Variants in TET1 observed in about 807,000 individuals in gnomAD.
The protein encoded by TET1 is tet methylcytosine dioxygenase 1.
A neutral mutation model predicts 148.7 loss-of-function variants in TET1; 13 were observed. That is an observed-to-expected ratio of 0.09 (90% CI 0.06 to 0.14). The LOEUF (loss-of-function observed/expected upper bound fraction) is 0.14, where lower values mean the gene tolerates loss of function less well. Ranked by LOEUF, TET1 falls within the 10% of genes least tolerant of loss-of-function variation. TET1 has a pLI of 1.00. For synonymous variants in TET1, 907 were observed against 937.2 expected, an observed-to-expected ratio of 0.97 and a Z score of 0.59; for missense variants, 2,182 against 2,553.8, an observed-to-expected ratio of 0.85 and a Z score of 3.14.
At chr10:68,688,842 A>T (rs773907015) in intron 11 of TET1, among the ~76,000 whole-genome samples, 1 of 152,204 alleles carries the variant, frequency 6.6e-6, no homozygotes, top group Non-Finnish European at 1.5e-5. Flanking sequence ...AGGAAAAAAA[A>T]ATCATGAATT....
At chr10:68,569,573 A>G (rs1294008070) in intron 1 of TET1, among the ~76,000 whole-genome samples, 1 of 152,142 alleles carries the variant, frequency 6.6e-6, no homozygotes, top group East Asian at 1.9e-4. Flanking sequence ...CTCAGGAAAG[A>G]GATAATTTTT....
At chr10:68,647,047 AT>A in intron 4 of TET1, 42 bp downstream of exon 4, 1 of 1,548,442 alleles carries the variant, frequency 6.5e-7, no homozygotes, top group South Asian at 1.3e-5. Context: ...ACCTGCACAA[AT>A]TACCTCAATC....
At chr10:68,629,842 A>G (rs1412458880) in intron 3 of TET1, among the ~76,000 whole-genome samples, 1 of 152,140 alleles carries the variant, frequency 6.6e-6, no homozygotes. Context: ...AGCCAAAAGT[A>G]TATTATTAAT....
At chr10:68,682,659 A>C (rs1839888350) in intron 9 of TET1, among the ~76,000 whole-genome samples, 177 bp from the exon 10 acceptor site, 2 of 152,090 alleles carry the variant, frequency 1.3e-5, no homozygotes, top group African/African-American at 4.8e-5. Flanking sequence ...ATGTATTGTC[A>C]AGTGCTTTCT....
At chr10:68,594,989 A>G (rs1012209270) in intron 2 of TET1, among the ~76,000 whole-genome samples, 1 of 151,544 alleles carries the variant, frequency 6.6e-6, no homozygotes, top group African/African-American at 2.4e-5. Context: ...TCAAAAAAAA[A>G]AAAAAAAGAA....
At chr10:68,667,015 T>G in intron 6 of TET1, 30 bp from the exon 7 acceptor site, 1 of 1,594,168 alleles carries the variant, frequency 6.3e-7, no homozygotes, top group Non-Finnish European at 8.6e-7. Flanking sequence ...ATACTTGTCT[T>G]CCATAGATGA....
intron 3 of TET1, among the ~76,000 whole-genome samples, chr10:68,614,415 G>A (rs183033927): frequency 6.6e-6 from 1 of 152,276 alleles, no homozygotes; most frequent in East Asian, 1.9e-4. Flanking sequence ...AGGAAAAAAT[G>A]TATTTTTCTG....
intron 1 of TET1, 141 bp from the exon 2 acceptor site, chr10:68,572,076 C>A: frequency 2.6e-6 from 1 of 383,918 alleles, no homozygotes; most frequent in Non-Finnish European, 4.7e-6. Flanking sequence ...TGTGATCATG[C>A]CTCTGCACTC....
intron 3 of TET1, among the ~76,000 whole-genome samples, chr10:68,621,585 A>T (rs66899264): frequency 9.0e-4 from 137 of 152,134 alleles, no homozygotes; most frequent in South Asian, 2.5e-3. Flanking sequence ...CATCTCAAAA[A>T]AAATAAATAA....
At chr10:68,638,153 A>C (rs151082018) in intron 3 of TET1, among the ~76,000 whole-genome samples, 1 of 152,288 alleles carries the variant, frequency 6.6e-6, no homozygotes, top group African/African-American at 2.4e-5. Flanking sequence ...GGTTGGTTGC[A>C]GAACAGGGCC....
At chr10:68,672,871 C>G (rs893892399) in intron 7 of TET1, 24 bp from the exon 8 acceptor site, 1 of 1,583,854 alleles carries the variant, frequency 6.3e-7, no homozygotes, top group Admixed American at 1.7e-5. Flanking sequence ...CATCAATTCA[C>G]TCTCTTGAAT....
intron 2 of TET1, among the ~76,000 whole-genome samples, chr10:68,575,017 T>G (rs2133692513): frequency 6.6e-6 from 1 of 152,358 alleles, no homozygotes; most frequent in Non-Finnish European, 1.5e-5. Flanking sequence ...TGTTTTGTGA[T>G]TTTTAGATCA....
In TET1 at chr10:68,572,388, A is replaced by G. The variant is rs1432668702; in HGVS notation, c.50A>G (p.Asp17Gly). The G allele has an allele frequency of 6.2e-7, 1 of 1,611,112 alleles. No individual in the cohort carries two copies. The highest frequency in any genetic ancestry group is 2.2e-5 in the East Asian group (1 of 44,866). ...CCTTCCAGATTAGTCAGGAAGGAAG[A>G]TGTAAACAAAAAAAAGAAAAACAGC... ...ARPSRLVRKE[D>G]VNKKKKNSQL... Residue 17 changes from aspartate to glycine, a missense_variant, in exon 2 of 12, where the codon GAT becomes GGT. Around this residue, in one of 11 missense-constraint regions of TET1, gnomAD observed 665 missense variants for 672.4 expected, o/e 0.99. Transcript: ENST00000373644.
chr10:68,631,095 G>A (rs571085178), intron 3 of TET1, among the ~76,000 whole-genome samples: 7 of 152,236 alleles, frequency 4.6e-5, no homozygotes, highest in Non-Finnish European at 8.8e-5. Flanking sequence ...GAGGAGACTC[G>A]AACCCAGGAA....
At chr10:68,564,760 A>G (rs1336459264) in intron 1 of TET1, among the ~76,000 whole-genome samples, 5 of 152,190 alleles carry the variant, frequency 3.3e-5, no homozygotes, top group Admixed American at 6.5e-5. Flanking sequence ...CTGTAATCCC[A>G]GTGTTTTGGG....
At chr10:68,614,416 T>G (rs2054260015) in intron 3 of TET1, among the ~76,000 whole-genome samples, 1 of 152,330 alleles carries the variant, frequency 6.6e-6, no homozygotes, top group East Asian at 1.9e-4. Context: ...GGAAAAAATG[T>G]ATTTTTCTGT....
chr10:68,608,021 C>T (rs1281875575), intron 3 of TET1, among the ~76,000 whole-genome samples: 1 of 151,244 alleles, frequency 6.6e-6, no homozygotes, highest in Non-Finnish European at 1.5e-5. Context: ...CTCCATCTCC[C>T]GGGTTCAAGC....
chr10:68,623,333 A>T (rs919399919), intron 3 of TET1, among the ~76,000 whole-genome samples: 7 of 152,296 alleles, frequency 4.6e-5, no homozygotes, highest in Middle Eastern at 3.4e-3. Context: ...TATTTATTTT[A>T]TTCTATGGGC....
At chr10:68,656,451 A>T (rs185816999) in intron 6 of TET1, among the ~76,000 whole-genome samples, 1 of 152,212 alleles carries the variant, frequency 6.6e-6, no homozygotes, top group East Asian at 1.9e-4. Context: ...TTTAGTAGAG[A>T]CGTGGTTTCA....
Sources: allele counts gnomAD v4.1 joint callset (sites outside exome capture counted in the v4.1 genomes callset), GRCh38; gene constraint gnomAD v4.1.1; regional missense constraint gnomAD v4.1.1; transcripts MANE v1.5; gene names NCBI Gene and HGNC (gene_info 2026-07-23, HGNC 2026-07-21).